The following CCSER1 variants were observed in gnomAD, a reference collection of about 807,000 sequenced individuals.
CCSER1 encodes coiled-coil serine rich protein 1.
Under a neutral mutation model 82.0 loss-of-function variants are expected in CCSER1, and 41 were observed. The ratio of observed to expected loss-of-function variants is 0.50; its 90% confidence interval spans 0.39 to 0.65. The LOEUF (loss-of-function observed/expected upper bound fraction) is 0.65. Among genes scored for constraint, CCSER1 ranks in the 30% least tolerant of loss-of-function variants. The probability of loss-of-function intolerance (pLI) is 0.00; values close to 1 mark genes in which losing one functional copy is unlikely to be tolerated. For synonymous variants in CCSER1, 414 were observed against 383.9 expected (o/e 1.08, Z -0.92); for missense variants, 1,119 against 1,064.2 (o/e 1.05, Z -0.72).
At chr4:91,086,265 G>C (rs1296110744) in intron 10 of CCSER1, among the ~76,000 whole-genome samples, 1 of 152,070 alleles carries the variant, frequency 6.6e-6, no homozygotes, top group Non-Finnish European at 1.5e-5. Flanking sequence ...ATGGATTTCT[G>C]TAGCAGCAGG....
chr4:91,246,388 G>A (rs1341238093), intron 10 of CCSER1, among the ~76,000 whole-genome samples: 12 of 152,074 alleles, frequency 7.9e-5, no homozygotes, highest in Admixed American at 7.9e-4. Context: ...AAATTAAAAA[G>A]CGAGAAATTA....
intron 9 of CCSER1, among the ~76,000 whole-genome samples, chr4:90,926,745 A>G (rs554991150): frequency 6.6e-6 from 1 of 152,142 alleles, no homozygotes; most frequent in South Asian, 2.1e-4. Flanking sequence ...TAAATGATGA[A>G]TGTGTCTTAA....
intron 1 of CCSER1, among the ~76,000 whole-genome samples, chr4:90,238,580 C>T (rs1746240127): frequency 1.3e-5 from 2 of 152,098 alleles, no homozygotes; most frequent in African/African-American, 4.8e-5. Context: ...TGATACTGCC[C>T]TTGAAACAGA....
chr4:90,224,428 A>G (rs879695429), intron 1 of CCSER1, among the ~76,000 whole-genome samples: 1 of 152,212 alleles, frequency 6.6e-6, no homozygotes, highest in African/African-American at 2.4e-5. Context: ...AAATAGGCTT[A>G]AGTAGAAAAC....
chr4:90,586,662 A>G (rs987919991), intron 5 of CCSER1, among the ~76,000 whole-genome samples: 7 of 152,220 alleles, frequency 4.6e-5, no homozygotes, highest in African/African-American at 1.4e-4. Flanking sequence ...AATAAATCAT[A>G]TCTATACTGG....
chr4:90,986,055 G>C (rs1736554182), intron 9 of CCSER1, among the ~76,000 whole-genome samples: 1 of 151,698 alleles, frequency 6.6e-6, no homozygotes, highest in Admixed American at 6.6e-5. Flanking sequence ...TTTACTAGGA[G>C]TTTAGCTGAA....
chr4:91,499,795 A>G (rs535194249), intron 10 of CCSER1, among the ~76,000 whole-genome samples: 280 of 151,892 alleles, frequency 1.8e-3, no homozygotes, highest in African/African-American at 6.6e-3. Context: ...ATGTTTCTTC[A>G]TGGCTTGGTG....
chr4:90,603,236 A>G (rs548309929), intron 5 of CCSER1, among the ~76,000 whole-genome samples: 1 of 152,348 alleles, frequency 6.6e-6, no homozygotes, highest in East Asian at 1.9e-4. Flanking sequence ...ATTATTTGCT[A>G]TCAGGTTATC....
chr4:91,471,969 CAAAAAAAAAA>C (rs11313305), intron 10 of CCSER1, among the ~76,000 whole-genome samples: 4 of 88,142 alleles, frequency 4.5e-5, no homozygotes, highest in Non-Finnish European at 9.3e-5. Flanking sequence ...CACTCCATCT[CAAAAAAAAAA>C]AAAAAAAGAA....
At chr4:90,838,005 G>A (rs75727020) in intron 8 of CCSER1, among the ~76,000 whole-genome samples, 222 of 151,650 alleles carry the variant, frequency 1.5e-3, no homozygotes, top group Non-Finnish European at 2.6e-3. Flanking sequence ...ATAATTTCTA[G>A]CACATAGTAG....
intron 1 of CCSER1, among the ~76,000 whole-genome samples, chr4:90,137,234 T>G (rs1276606576): frequency 6.6e-6 from 1 of 152,210 alleles, no homozygotes; most frequent in Non-Finnish European, 1.5e-5. Flanking sequence ...ATTACAAATT[T>G]GTACACAGGT....
intron 3 of CCSER1, among the ~76,000 whole-genome samples, chr4:90,356,538 A>G (rs1298472981): frequency 1.3e-5 from 2 of 151,702 alleles, no homozygotes; most frequent in Non-Finnish European, 3.0e-5. Context: ...TATCAGGTTA[A>G]AATGTGTAAG....
At chr4:91,039,752 A>G (rs1697975786) in intron 9 of CCSER1, among the ~76,000 whole-genome samples, 1 of 151,962 alleles carries the variant, frequency 6.6e-6, no homozygotes, top group African/African-American at 2.4e-5. Flanking sequence ...AGAATTATAT[A>G]TGTATATATA....
chr4:90,924,795 C>A (rs900692290), intron 9 of CCSER1, among the ~76,000 whole-genome samples: 1 of 152,014 alleles, frequency 6.6e-6, no homozygotes, highest in Non-Finnish European at 1.5e-5. Context: ...GGCGCGATCT[C>A]GGCTCACTGC....
chr4:91,323,233 T>C (rs1746312336), intron 10 of CCSER1, among the ~76,000 whole-genome samples: 1 of 152,126 alleles, frequency 6.6e-6, no homozygotes, highest in Admixed American at 6.6e-5. Flanking sequence ...TCAGTGCAGA[T>C]AAACAGATGG....
At chr4:91,009,867 G>A (rs567290642) in intron 9 of CCSER1, among the ~76,000 whole-genome samples, 16 of 151,946 alleles carry the variant, frequency 1.1e-4, no homozygotes, top group Non-Finnish European at 1.5e-4. Context: ...ACTTATTGCA[G>A]CTATCATTAT....
At chr4:90,794,169 A>G (rs1580498791) in intron 7 of CCSER1, among the ~76,000 whole-genome samples, 1 of 152,314 alleles carries the variant, frequency 6.6e-6, no homozygotes. Context: ...TTGTTTAATT[A>G]GATGCCATTT....
intron 10 of CCSER1, among the ~76,000 whole-genome samples, chr4:91,535,434 G>A (rs1489559973): frequency 1.3e-5 from 1 of 75,840 alleles, no homozygotes; most frequent in Non-Finnish European, 2.5e-5. Context: ...GAATGATGAG[G>A]TGAGGAGACG....
At chr4:91,441,814 T>A (rs1223667029) in intron 10 of CCSER1, among the ~76,000 whole-genome samples, 9 of 149,428 alleles carry the variant, frequency 6.0e-5, no homozygotes, top group African/African-American at 2.2e-4. Context: ...ACAAGCATTC[T>A]TATACACCAA....
Sources: allele counts gnomAD v4.1 joint callset (sites outside exome capture counted in the v4.1 genomes callset), GRCh38; gene constraint gnomAD v4.1.1; transcripts MANE v1.5; gene names NCBI Gene and HGNC (gene_info 2026-07-23, HGNC 2026-07-21).